The following STXBP6 variants were observed in gnomAD, a reference collection of about 807,000 sequenced individuals.
The protein encoded by STXBP6 is syntaxin binding protein 6.
Under a neutral mutation model 26.9 loss-of-function variants are expected in STXBP6, and 21 were observed. That is an observed-to-expected ratio of 0.78 (90% confidence interval 0.55 to 1.12). The LOEUF (loss-of-function observed/expected upper bound fraction) is 1.12, where lower values mean the gene tolerates loss of function less well. Among genes scored for constraint, STXBP6 ranks in the 50% most tolerant of loss-of-function variants. The pLI is 0.00. For missense variants in STXBP6, 232 were observed against 257.9 expected (o/e 0.90, Z 0.69); for synonymous variants, 97 against 92.6 (o/e 1.05, Z -0.27).
intron 2 of STXBP6, among the ~76,000 whole-genome samples, chr14:24,888,345 C>A (rs1370193838): frequency 6.6e-6 from 1 of 152,174 alleles, no homozygotes; most frequent in African/African-American, 2.4e-5. Context: ...GCAACCCACC[C>A]AATATACATC....
chr14:24,996,755 T>G (rs935572937), intron 1 of STXBP6, among the ~76,000 whole-genome samples: 1 of 147,700 alleles, frequency 6.8e-6, no homozygotes, highest in Non-Finnish European at 1.5e-5. Flanking sequence ...CTTGGAAGGC[T>G]GAGGCAGGAG....
chr14:24,985,685 C>T (rs1014261339), intron 1 of STXBP6, among the ~76,000 whole-genome samples: 6 of 152,284 alleles, frequency 3.9e-5, no homozygotes, highest in Admixed American at 2.0e-4. Context: ...TTTTACTTTA[C>T]GGAGAAGGAT....
chr14:24,985,096 G>C (rs1362007298), intron 1 of STXBP6, among the ~76,000 whole-genome samples: 1 of 152,208 alleles, frequency 6.6e-6, no homozygotes, highest in Admixed American at 6.5e-5. Context: ...GCTGTAGTTT[G>C]AAGTCATTCT....
Position 24,879,193 on chromosome 14 carries a change from T to C in STXBP6, c.155-22036A>G, listed in dbSNP as rs1227277132. Among the ~76,000 whole-genome samples, 3 of 152,178 alleles carry C rather than the reference T, an allele frequency of 2.0e-5. No homozygotes were observed. In the East Asian group the frequency reaches 5.8e-4, roughly 29 times the overall value. On this transcript the variant is annotated intron_variant, in intron 2 of 5. Transcript: ENST00000323944. ...TGAATTTATCATTCCTATCAAACAA[T>C]GAATAATCAAATATTACATAGAAAA...
chr14:24,842,114 CAG>C (rs757641602), intron 4 of STXBP6, among the ~76,000 whole-genome samples: 2 of 152,142 alleles, frequency 1.3e-5, no homozygotes, highest in African/African-American at 2.4e-5. Context: ...TGGGATATGG[CAG>C]AGTCAGTCCC....
At chr14:24,915,886 C>T (rs2139765755) in intron 2 of STXBP6, among the ~76,000 whole-genome samples, 1 of 152,238 alleles carries the variant, frequency 6.6e-6, no homozygotes, top group East Asian at 1.9e-4. Context: ...CAAGACAATT[C>T]ACTTTGTTCT....
At chr14:24,859,928 A>G (rs1181838487) in intron 2 of STXBP6, among the ~76,000 whole-genome samples, 1 of 152,206 alleles carries the variant, frequency 6.6e-6, no homozygotes, top group East Asian at 1.9e-4. Context: ...GGGCAACCCA[A>G]TTCAGGCCGC....
At chr14:24,843,265 C>T (rs999068583) in intron 4 of STXBP6, among the ~76,000 whole-genome samples, 1 of 152,164 alleles carries the variant, frequency 6.6e-6, no homozygotes, top group Non-Finnish European at 1.5e-5. Flanking sequence ...TTAGCATTCA[C>T]AGGCTTTTTT....
intron 2 of STXBP6, among the ~76,000 whole-genome samples, chr14:24,940,994 G>A (rs545638875): frequency 2.6e-5 from 4 of 152,206 alleles, no homozygotes; most frequent in African/African-American, 7.2e-5. Context: ...CAGCCTGGGC[G>A]ACAGAGCAAG....
intron 2 of STXBP6, among the ~76,000 whole-genome samples, chr14:24,935,035 G>A (rs932603382): frequency 2.6e-5 from 4 of 152,134 alleles, no homozygotes; most frequent in African/African-American, 9.7e-5. Context: ...AATACGAAAC[G>A]AAGGTACAGA....
intron 2 of STXBP6, among the ~76,000 whole-genome samples, chr14:24,900,241 A>T (rs921743198): frequency 1.3e-5 from 2 of 152,188 alleles, no homozygotes; most frequent in Admixed American, 1.3e-4. Flanking sequence ...TAGCAGATGT[A>T]AGCTCTTTCC....
At chr14:25,046,996 G>A (rs774812750) in intron 1 of STXBP6, among the ~76,000 whole-genome samples, 7 of 152,178 alleles carry the variant, frequency 4.6e-5, no homozygotes, top group African/African-American at 1.2e-4. Flanking sequence ...GACATTTGTC[G>A]TGGGGTGTAC....
intron 4 of STXBP6, among the ~76,000 whole-genome samples, chr14:24,835,549 A>C (rs932975025): frequency 6.6e-6 from 1 of 152,240 alleles, no homozygotes; most frequent in African/African-American, 2.4e-5. Flanking sequence ...TAGCCACTTA[A>C]AGATTTTTAG....
At chr14:24,884,256 T>C (rs1446377412) in intron 2 of STXBP6, among the ~76,000 whole-genome samples, 1 of 152,214 alleles carries the variant, frequency 6.6e-6, no homozygotes, top group African/African-American at 2.4e-5. Flanking sequence ...CAATTTCCTC[T>C]TGTCAAAACA....
chr14:25,038,902 A>T (rs531424932), intron 1 of STXBP6, among the ~76,000 whole-genome samples: 1 of 152,292 alleles, frequency 6.6e-6, no homozygotes, highest in Admixed American at 6.5e-5. Context: ...AAAGATACAA[A>T]TTTTCAGTTA....
chr14:24,949,017 G>A (rs369508405), intron 2 of STXBP6, among the ~76,000 whole-genome samples: 3 of 152,106 alleles, frequency 2.0e-5, no homozygotes, highest in African/African-American at 4.8e-5. Flanking sequence ...ATCAATGGGG[G>A]AGAGGAGGGC....
In STXBP6 at chr14:24,898,795, C is replaced by T. The variant is rs76863117; in HGVS notation, c.155-41638G>A. Among the ~76,000 whole-genome samples, 768 of 151,250 alleles carry T rather than the reference C, an allele frequency of 5.1e-3. 5 individuals carry two copies. The highest frequency in any genetic ancestry group is 0.018 in the African/African-American group (740 of 40,610). ...AAAAGCATTCTTTTTTCTTTAAAGGCATTTATGTTTATATAAAGGCATTAA... is the reference window on the plus strand; with the variant it reads ...AAAAGCATTCTTTTTTCTTTAAAGGTATTTATGTTTATATAAAGGCATTAA... On this transcript the variant is annotated intron_variant, in intron 2 of 5. Transcript: ENST00000323944.
intron 2 of STXBP6, among the ~76,000 whole-genome samples, chr14:24,961,904 C>T (rs1233847098): frequency 1.3e-5 from 2 of 152,076 alleles, no homozygotes; most frequent in African/African-American, 4.8e-5. Context: ...ATTAAATGTA[C>T]CAACCTAGAA....
At chr14:25,037,192 A>T (rs2075570065) in intron 1 of STXBP6, among the ~76,000 whole-genome samples, 2 of 152,154 alleles carry the variant, frequency 1.3e-5, no homozygotes, top group African/African-American at 4.8e-5. Flanking sequence ...GACACAGGCC[A>T]CCTAGGACTC....
Sources: gnomAD v4.1 joint callset for allele counts (sites outside exome capture counted in the v4.1 genomes callset) on GRCh38, gnomAD v4.1.1 for gene constraint, MANE v1.5 for transcripts, NCBI Gene and HGNC (gene_info 2026-07-23, HGNC 2026-07-21) for gene names.